MYO6: variants seen among roughly 807,000 people sequenced by gnomAD.
MYO6 encodes myosin VI, also known as unconventional myosin-VI.
A neutral mutation model predicts 178.7 loss-of-function variants in MYO6; 74 were observed. The ratio of observed to expected loss-of-function variants is 0.41; its 90% CI spans 0.34 to 0.50. MYO6 has a LOEUF of 0.50. Among genes scored for constraint, MYO6 ranks in the 20% least tolerant of loss-of-function variants. MYO6 has a pLI of 0.09. For synonymous variants in MYO6, 477 were observed against 504.6 expected (o/e 0.95, Z 0.73); for missense variants, 1,330 against 1,547.4 (o/e 0.86, Z 2.36).
At chr6:75,848,583 T>C in intron 11 of MYO6, 52 bp downstream of exon 11, 3 of 1,564,204 alleles carry the variant, frequency 1.9e-6, no homozygotes, top group South Asian at 2.3e-5. Flanking sequence ...ATTTCTGTTA[T>C]TTATTTGTCA....
At chr6:75,881,428 C>T (rs530978538) in intron 22 of MYO6, among the ~76,000 whole-genome samples, 7 of 137,730 alleles carry the variant, frequency 5.1e-5, no homozygotes. Flanking sequence ...AGTCATCCCC[C>T]CCCCCCACTT....
At chr6:75,802,256 G>A (rs1170087233) in intron 1 of MYO6, among the ~76,000 whole-genome samples, 1 of 151,746 alleles carries the variant, frequency 6.6e-6, no homozygotes, top group Non-Finnish European at 1.5e-5. Flanking sequence ...ATCATCTGAG[G>A]TCAGGAGTTT....
intron 18 of MYO6, among the ~76,000 whole-genome samples, chr6:75,868,433 G>A (rs1238849718): frequency 6.6e-6 from 1 of 151,858 alleles, no homozygotes; most frequent in Non-Finnish European, 1.5e-5. Context: ...TATTATTGTA[G>A]TATTGCTGAT....
intron 29 of MYO6, among the ~76,000 whole-genome samples, chr6:75,895,518 ATT>A (rs372759632): frequency 8.6e-5 from 12 of 140,116 alleles, no homozygotes; most frequent in Non-Finnish European, 3.1e-5. Flanking sequence ...ATATATATGA[ATT>A]TTTTTTTTTT....
intron 12 of MYO6, 93 bp from the exon 13 acceptor site, chr6:75,857,004 G>C: frequency 8.4e-7 from 1 of 1,183,606 alleles, no homozygotes; most frequent in South Asian, 1.3e-5. Context: ...TCTTTATTTT[G>C]TTCTTCTCTG....
At position 75,891,229 on chromosome 6, in the gene MYO6, A is replaced by G. The variant is rs895366241; in HGVS notation, c.2869A>G (p.Lys957Glu). ...GAAGAGTTTTCTATTTTTTATTAGG[A>G]AACTTGAGATGGAAGCAAAGAGAAA... ...RRKEEEERRM[K>E]LEMEAKRKQE... Residue 957 changes from lysine (K) to glutamate (E), a missense_variant and splice_region_variant, in exon 27 of 35, where the codon AAA becomes GAA. Lys to Glu is a moderately conservative substitution (Grantham distance 56). Coordinates refer to ENST00000369977, the MANE Select transcript of MYO6 (RefSeq NM_004999.4). 1 of 1,600,694 alleles carries G rather than the reference A, an allele frequency of 6.2e-7. No individual in the cohort carries two copies. Among genetic ancestry groups the G allele is most frequent in the South Asian group, 1.1e-5 (1 of 90,112 alleles).
chr6:75,791,680 G>A (rs1768265215), intron 1 of MYO6, among the ~76,000 whole-genome samples: 1 of 152,148 alleles, frequency 6.6e-6, no homozygotes, highest in Admixed American at 6.6e-5. Context: ...ATGTCATAAG[G>A]ATGTGTTTGA....
Position 75,822,762 on chromosome 6 carries a change from G to T in MYO6, c.118-20G>T, listed in dbSNP as rs1562208740. 6.2e-7 allele frequency: 1 copy of T among 1,606,694 alleles called. No individual in the cohort carries two copies. Among genetic ancestry groups the T allele is most frequent in the Admixed American group, 1.7e-5 (1 of 59,990 alleles). Reference sequence around the variant, plus strand: ...TATTTAAAAGCCTTGAGTTTAATGAGCATTTGTTTTGCTTGTTAGACATTT... The same window carrying T: ...TATTTAAAAGCCTTGAGTTTAATGATCATTTGTTTTGCTTGTTAGACATTT... On this transcript the variant is annotated intron_variant, in intron 2 of 34. Transcript: ENST00000369977.
At chr6:75,849,639 A>G (rs1257201591) in intron 11 of MYO6, among the ~76,000 whole-genome samples, 2 of 152,202 alleles carry the variant, frequency 1.3e-5, no homozygotes, top group East Asian at 1.9e-4. Context: ...GCAGAGTGAC[A>G]GTACAAAGCT....
intron 1 of MYO6, among the ~76,000 whole-genome samples, chr6:75,760,008 T>C (rs1353398282): frequency 6.6e-6 from 1 of 152,220 alleles, no homozygotes; most frequent in Non-Finnish European, 1.5e-5. Context: ...AAATTAAAAA[T>C]ATTTTGGCAA....
At chr6:75,899,745 A>C (rs982265484) in intron 30 of MYO6, among the ~76,000 whole-genome samples, 3 of 145,222 alleles carry the variant, frequency 2.1e-5, no homozygotes, top group Admixed American at 6.9e-5. Flanking sequence ...TAAAAAAATT[A>C]TTATTATACT....
At chr6:75,843,036 C>T (rs1379740872) in intron 9 of MYO6, among the ~76,000 whole-genome samples, 1 of 152,306 alleles carries the variant, frequency 6.6e-6, no homozygotes, top group East Asian at 1.9e-4. Flanking sequence ...GCGTTGCATA[C>T]ATCTGCCATC....
At chr6:75,787,718 C>A (rs1242670141) in intron 1 of MYO6, among the ~76,000 whole-genome samples, 28 of 41,794 alleles carry the variant, frequency 6.7e-4, no homozygotes, top group Non-Finnish European at 9.2e-4. Context: ...CTCTCTCTCT[C>A]TCTCTCTCTC....
intron 32 of MYO6, among the ~76,000 whole-genome samples, chr6:75,910,441 C>T (rs1780677078): frequency 6.6e-6 from 1 of 151,964 alleles, no homozygotes; most frequent in Admixed American, 6.6e-5. Context: ...CTAGCTTTAC[C>T]CAAAAAAGTT....
chr6:75,767,572 T>A (rs970261132), intron 1 of MYO6, among the ~76,000 whole-genome samples: 6 of 147,456 alleles, frequency 4.1e-5, no homozygotes, highest in Non-Finnish European at 7.4e-5. Flanking sequence ...CAGGCTGGAG[T>A]GTGGTGGCAT....
At chr6:75,851,472 A>G (rs1391938403) in intron 11 of MYO6, among the ~76,000 whole-genome samples, 2 of 151,914 alleles carry the variant, frequency 1.3e-5, no homozygotes, top group African/African-American at 4.8e-5. Context: ...TTTTTTCCCT[A>G]GGGAGCTTAA....
At chr6:75,901,836 A>T (rs895940444) in intron 30 of MYO6, among the ~76,000 whole-genome samples, 3 of 152,202 alleles carry the variant, frequency 2.0e-5, no homozygotes, top group African/African-American at 7.2e-5. Context: ...GTTTTTGCCC[A>T]TTCAGTATGG....
intron 16 of MYO6, among the ~76,000 whole-genome samples, 184 bp downstream of exon 16, chr6:75,862,907 T>A (rs1324085388): frequency 6.6e-6 from 1 of 152,154 alleles, no homozygotes; most frequent in Non-Finnish European, 1.5e-5. Flanking sequence ...TTTTATGTAG[T>A]CAAGAGACTT....
At chr6:75,907,466 C>T (rs1250834108) in intron 30 of MYO6, 139 bp from the exon 31 acceptor site, 2 of 673,438 alleles carry the variant, frequency 3.0e-6, no homozygotes, top group Admixed American at 2.4e-5. Flanking sequence ...TTCTTAATCT[C>T]ATCTGTCAAA....
Sources: gnomAD v4.1 joint callset for allele counts (sites outside exome capture counted in the v4.1 genomes callset) on GRCh38, gnomAD v4.1.1 for gene constraint, MANE v1.5 for transcripts, NCBI Gene and HGNC (gene_info 2026-07-23, HGNC 2026-07-21) for gene names.